CASD1: variants seen among roughly 807,000 people sequenced by gnomAD.
The protein encoded by CASD1 is CAS1 domain sialic acid O acetyltransferase 1.
Under a neutral mutation model 100.0 loss-of-function variants are expected in CASD1, and 41 were observed. The observed-to-expected ratio is 0.41, with a 90% CI of 0.32 to 0.53. The LOEUF (loss-of-function observed/expected upper bound fraction) is 0.53. Ranked by LOEUF, CASD1 falls within the 20% of genes least tolerant of loss-of-function variation. The probability of loss-of-function intolerance (pLI) is 0.25; values close to 1 mark genes in which losing one functional copy is unlikely to be tolerated. For missense variants in CASD1, 774 were observed against 948.7 expected (o/e 0.82, Z 2.42); for synonymous variants, 321 against 315.6 (o/e 1.02, Z -0.18).
At chr7:94,589,010 C>T in the CASD1 span, 45 of 433,584 alleles carry the variant, frequency 1.0e-4, 1 homozygote, top group Admixed American at 1.6e-3. Context: ...AATATTTTTC[C>T]CATTTTATGG....
chr7:94,577,068 A>G, the CASD1 span, among the ~76,000 whole-genome samples: 1 of 152,158 alleles, frequency 6.6e-6, no homozygotes, highest in Non-Finnish European at 1.5e-5. Context: ...TTCTTTAGAC[A>G]CAGTTTCTTT....
chr7:94,588,403 G>A, the CASD1 span: 1 of 1,206,022 alleles, frequency 8.3e-7, no homozygotes, highest in South Asian at 2.1e-5. Context: ...GGGAAGAATA[G>A]GGAACTTCAC....
intron 14 of CASD1, among the ~76,000 whole-genome samples, chr7:94,551,089 G>A (rs552790629): frequency 6.6e-6 from 1 of 152,162 alleles, no homozygotes; most frequent in East Asian, 1.9e-4. Context: ...CACTGAGACT[G>A]CTCAGAATCA....
chr7:94,521,603 T>TA (rs1215242360), intron 3 of CASD1, among the ~76,000 whole-genome samples: 1 of 152,064 alleles, frequency 6.6e-6, no homozygotes, highest in African/African-American at 2.4e-5. Flanking sequence ...ATCAGAAGAA[T>TA]AAAAAAATTA....
chr7:94,534,588 A>G (rs1795027109), intron 7 of CASD1, among the ~76,000 whole-genome samples: 1 of 152,148 alleles, frequency 6.6e-6, no homozygotes, highest in Non-Finnish European at 1.5e-5. Flanking sequence ...CATTAGGATA[A>G]CTCATTTTAG....
At chr7:94,543,498 A>G (rs1795520905) in intron 10 of CASD1, among the ~76,000 whole-genome samples, 1 of 152,124 alleles carries the variant, frequency 6.6e-6, no homozygotes, top group Admixed American at 6.6e-5. Flanking sequence ...TACTAAAAAT[A>G]CAAAAAGTTA....
chr7:94,522,168 T>G (rs913077382), intron 3 of CASD1, among the ~76,000 whole-genome samples: 39 of 152,292 alleles, frequency 2.6e-4, no homozygotes, highest in African/African-American at 9.1e-4. Flanking sequence ...ACACAGATTT[T>G]CAGATTGCTC....
intron 10 of CASD1, among the ~76,000 whole-genome samples, chr7:94,542,519 C>T (rs1795459035): frequency 6.6e-6 from 1 of 152,096 alleles, no homozygotes; most frequent in South Asian, 2.1e-4. Flanking sequence ...TTTCTTTTAA[C>T]TTTTAAAATG....
chr7:94,549,645 A>G lies in CASD1; in HGVS notation c.1815+11A>G. On this transcript the variant is annotated intron_variant, in intron 14 of 17. Coordinates refer to ENST00000297273, the MANE Select transcript of CASD1 (RefSeq NM_022900.5). ...AGGTTAGACCGTTATGTATGTATTT[A>G]CTTTGTGATATTTTGTCATTTCAAA... 1 of 1,562,758 alleles carries G rather than the reference A, an allele frequency of 6.4e-7. No homozygotes were observed.
chr7:94,608,870 T>C, the CASD1 span, among the ~76,000 whole-genome samples: 2 of 152,146 alleles, frequency 1.3e-5, no homozygotes, highest in Admixed American at 6.5e-5. Context: ...GACTTATACA[T>C]GTAAAAAATG....
At chr7:94,525,649 A>G (rs916242890) in intron 3 of CASD1, among the ~76,000 whole-genome samples, 2 of 152,194 alleles carry the variant, frequency 1.3e-5, no homozygotes, top group African/African-American at 2.4e-5. Flanking sequence ...AAGGTTGAGG[A>G]TGTGGTAGAA....
Position 94,547,081 on chromosome 7 carries a change from T to G in CASD1, c.1634-15T>G. On this transcript the variant is annotated splice_polypyrimidine_tract_variant and intron_variant, in intron 12 of 17. Coordinates refer to ENST00000297273, the MANE Select transcript of CASD1 (RefSeq NM_022900.5). Reference sequence around the variant, plus strand: ...TAAATTTATTTTTTAGTAAATTAAATATTTTCTCTCTTAGGAAATTGTTTC... The same window carrying G: ...TAAATTTATTTTTTAGTAAATTAAAGATTTTCTCTCTTAGGAAATTGTTTC... 6.5e-7 allele frequency: 1 copy of G among 1,528,508 alleles called. No individual in the cohort carries two copies. Among genetic ancestry groups the G allele is most frequent in the Non-Finnish European group, 8.9e-7 (1 of 1,120,938 alleles). The allele number at this position is 1,528,508 out of a possible 1,614,324, so 94.7% of individuals were successfully genotyped here. A position where few individuals can be genotyped will look rare whatever the true frequency, so the allele number is the denominator to read the frequency against.
chr7:94,617,259 A>T, the CASD1 span: 1 of 152,226 alleles, frequency 6.6e-6, no homozygotes, highest in Admixed American at 6.5e-5. Flanking sequence ...AGTTTGGTTT[A>T]TGGAGTTGCT....
intron 11 of CASD1, 134 bp downstream of exon 11, chr7:94,544,664 TTGTATTC>T (rs1277517501): frequency 3.6e-6 from 3 of 839,502 alleles, no homozygotes; most frequent in African/African-American, 1.8e-5. Flanking sequence ...CACTGTGAAG[TTGTATTC>T]TGTGTTCTGT....
chr7:94,543,087 A>T (rs2116370587), intron 10 of CASD1, among the ~76,000 whole-genome samples: 1 of 152,312 alleles, frequency 6.6e-6, no homozygotes, highest in African/African-American at 2.4e-5. Context: ...ATTCCAGGGC[A>T]AGAATAAACA....
chr7:94,611,295 T>G, the CASD1 span, among the ~76,000 whole-genome samples: 12 of 152,280 alleles, frequency 7.9e-5, no homozygotes, highest in South Asian at 1.5e-3. Flanking sequence ...ATCCATAAAA[T>G]AGAATATTAT....
chr7:94,551,984 CTA>C (rs1562950288), intron 15 of CASD1: 1 of 189,072 alleles, frequency 5.3e-6, no homozygotes, highest in Admixed American at 6.3e-5. Flanking sequence ...TCTAAAGAGA[CTA>C]TATATAAGTT....
chr7:94,552,389 G>A lies in CASD1; in HGVS notation c.1996G>A (p.Glu666Lys). The change falls in exon 16 of 18, where the codon GAG becomes AAG. Residue 666 changes from glutamate (E) to lysine (K), a missense_variant. Physicochemically the swap from Glu to Lys is moderately conservative, Grantham distance 56 (BLOSUM62 1). This residue lies in a region of CASD1 where 175 missense variants were observed against 206.9 expected (regional missense o/e 0.85). Transcript: ENST00000297273. Reference sequence around the variant, plus strand: ...GGCTAGCAGTTGTAAAAACAAAGCAGAGTGCAATGAACTCCATCCGTCTGT... The same window carrying A: ...GGCTAGCAGTTGTAAAAACAAAGCAAAGTGCAATGAACTCCATCCGTCTGT... ...IWASSCKNKAECNELHPSVSV... is the reference protein window; with the variant it reads ...IWASSCKNKAKCNELHPSVSV... 6.2e-7 allele frequency: 1 copy of A among 1,610,740 alleles called. No individual in the cohort carries two copies. Among genetic ancestry groups the A allele is most frequent in the Non-Finnish European group, 8.5e-7 (1 of 1,178,912 alleles).
chr7:94,574,144 G>T, the CASD1 span, among the ~76,000 whole-genome samples: 1 of 152,110 alleles, frequency 6.6e-6, no homozygotes, highest in Non-Finnish European at 1.5e-5. Context: ...TTTTGTTGAG[G>T]ATTTTTGCAT....
Sources: gnomAD v4.1 joint callset for allele counts (sites outside exome capture counted in the v4.1 genomes callset) on GRCh38, gnomAD v4.1.1 for gene constraint, gnomAD v4.1.1 regional missense constraint, MANE v1.5 for transcripts, NCBI Gene and HGNC (gene_info 2026-07-23, HGNC 2026-07-21) for gene names.